Variants in SYN3 observed in about 807,000 individuals in gnomAD.
The protein encoded by SYN3 is synapsin-3.
In SYN3, 35 loss-of-function variants were observed where a neutral mutation model predicts 65.8. The ratio of observed to expected loss-of-function variants is 0.53; its 90% CI spans 0.41 to 0.70. The LOEUF (loss-of-function observed/expected upper bound fraction) is 0.70, where lower values mean the gene tolerates loss of function less well. Ranked by LOEUF, SYN3 falls within the 30% of genes least tolerant of loss-of-function variation. The probability of loss-of-function intolerance (pLI) is 0.00; values close to 1 mark genes in which losing one functional copy is unlikely to be tolerated. For synonymous variants in SYN3, 270 were observed against 292.9 expected, an observed-to-expected ratio of 0.92 and a Z score of 0.80; for missense variants, 680 against 749.0, an observed-to-expected ratio of 0.91 and a Z score of 1.08.
rs1411404969 is a variant in SYN3, at chr22:32,576,457, A to G, written c.774+20217T>C. Among the ~76,000 whole-genome samples the G allele has an allele frequency of 2.0e-5, 3 of 152,344 alleles. No homozygotes were observed. In the East Asian group the frequency reaches 5.8e-4, roughly 29 times the overall value. ...AAAACGCACATGAACTACGAAGCAC[A>G]GGGCCTGGCACCTAGTATGCGGTCA... On this transcript the variant is annotated intron_variant, in intron 7 of 13. Transcript: ENST00000358763.
chr22:32,684,537 A>C (rs1306444752), intron 6 of SYN3, among the ~76,000 whole-genome samples: 1 of 152,210 alleles, frequency 6.6e-6, no homozygotes, highest in Non-Finnish European at 1.5e-5. Context: ...AACAGCAACC[A>C]CATCATTGTC....
intron 6 of SYN3, among the ~76,000 whole-genome samples, chr22:32,641,336 C>T (rs2059895365): frequency 6.6e-6 from 1 of 151,960 alleles, no homozygotes; most frequent in Admixed American, 6.6e-5. Context: ...GGGCCGGGCG[C>T]GGTGGTTCAT....
chr22:32,951,184 C>T (rs2051278377), intron 3 of SYN3, among the ~76,000 whole-genome samples: 1 of 152,148 alleles, frequency 6.6e-6, no homozygotes, highest in African/African-American at 2.4e-5. Flanking sequence ...ACTCTGATGC[C>T]TCCCCCCATC....
intron 6 of SYN3, among the ~76,000 whole-genome samples, chr22:32,803,677 A>T (rs2046650739): frequency 6.6e-6 from 1 of 152,120 alleles, no homozygotes; most frequent in African/African-American, 2.4e-5. Flanking sequence ...AGTTGGTAAC[A>T]TTCCCACCTG....
chr22:32,766,414 C>T (rs968267109), intron 6 of SYN3, among the ~76,000 whole-genome samples: 2 of 152,160 alleles, frequency 1.3e-5, no homozygotes, highest in Admixed American at 6.5e-5. Flanking sequence ...GTTCAATCAG[C>T]GTGATACAGC....
chr22:32,891,643 T>C (rs2049450353), intron 4 of SYN3, among the ~76,000 whole-genome samples: 1 of 152,224 alleles, frequency 6.6e-6, no homozygotes, highest in Admixed American at 6.5e-5. Context: ...AAACTGTGCC[T>C]CAGTTTGCTT....
chr22:32,554,733 C>T (rs1601622715), intron 7 of SYN3, among the ~76,000 whole-genome samples: 1 of 152,220 alleles, frequency 6.6e-6, no homozygotes, highest in Non-Finnish European at 1.5e-5. Context: ...ACCCCCTTCC[C>T]CTCCCTTGTC....
intron 6 of SYN3, among the ~76,000 whole-genome samples, chr22:32,822,935 A>T (rs2047295113): frequency 6.6e-6 from 1 of 152,102 alleles, no homozygotes; most frequent in South Asian, 2.1e-4. Context: ...ACAACAAAAA[A>T]AAAACAGAGA....
chr22:32,770,850 G>GCACATATGTGTTCAATTAA (rs59610797), intron 6 of SYN3, among the ~76,000 whole-genome samples: 66,519 of 149,146 alleles, frequency 0.45, 15,609 homozygotes, highest in African/African-American at 0.61. Flanking sequence ...AGAGTGCCTG[G>GCACATATGTGTTCAATTAA]CACATATGTG....
chr22:33,018,654 T>C lies in SYN3; in HGVS notation c.-162-11830A>G, dbSNP rs1014872536. Among the ~76,000 whole-genome samples, 7 of 152,306 alleles carry C rather than the reference T, an allele frequency of 4.6e-5. 1 individual carries two copies. Among genetic ancestry groups the C allele is most frequent in the East Asian group, 3.9e-4 (2 of 5,184 alleles). ...GCATCAAAGCAGGAGGAATGAGAGC[T>C]GCCCCACAGCGGCAACAGCTACTTT... On this transcript the variant is annotated intron_variant, in intron 1 of 13. Coordinates refer to ENST00000358763, the MANE Select transcript of SYN3 (RefSeq NM_003490.4).
chr22:32,826,562 T>C (rs1464111651), intron 6 of SYN3, among the ~76,000 whole-genome samples: 2 of 152,200 alleles, frequency 1.3e-5, no homozygotes, highest in South Asian at 2.1e-4. Context: ...AGTATCTGCA[T>C]TGTACAGATG....
At chr22:32,561,203 G>A (rs540400444) in intron 7 of SYN3, among the ~76,000 whole-genome samples, 145 of 152,284 alleles carry the variant, frequency 9.5e-4, no homozygotes, top group Middle Eastern at 3.4e-3. Flanking sequence ...TGCGGCCAGC[G>A]TAGGTCAGGG....
At chr22:32,755,724 T>C (rs5994619) in intron 6 of SYN3, among the ~76,000 whole-genome samples, 129,132 of 152,196 alleles carry the variant, frequency 0.85, 55,305 homozygotes, top group African/African-American at 0.97. Flanking sequence ...TCATCTACCA[T>C]GGTGGCCCCA....
At chr22:32,734,113 G>A (rs1278431764) in intron 6 of SYN3, among the ~76,000 whole-genome samples, 1 of 152,186 alleles carries the variant, frequency 6.6e-6, no homozygotes, top group African/African-American at 2.4e-5. Context: ...GCTTTAAAGG[G>A]CCTGGGGTGG....
At chr22:32,540,695 C>G (rs1433782037) in intron 8 of SYN3, among the ~76,000 whole-genome samples, 1 of 152,226 alleles carries the variant, frequency 6.6e-6, no homozygotes, top group Non-Finnish European at 1.5e-5. Flanking sequence ...GCCTGGCATT[C>G]TTTCCTTTTC....
chr22:32,666,860 A>G (rs1371339739), intron 6 of SYN3, among the ~76,000 whole-genome samples: 2 of 152,170 alleles, frequency 1.3e-5, no homozygotes, highest in Non-Finnish European at 2.9e-5. Flanking sequence ...GTGATGGCCA[A>G]GGATTTACCA....
chr22:32,933,455 G>A (rs1417057764), intron 3 of SYN3, among the ~76,000 whole-genome samples: 1 of 152,106 alleles, frequency 6.6e-6, no homozygotes, highest in African/African-American at 2.4e-5. Context: ...TTCAGACAGA[G>A]TTTCACTCTT....
intron 2 of SYN3, among the ~76,000 whole-genome samples, chr22:32,993,489 C>A (rs1033444717): frequency 6.6e-6 from 1 of 152,152 alleles, no homozygotes; most frequent in Non-Finnish European, 1.5e-5. Context: ...GGGACTACAG[C>A]ATGCCGCCAC....
intron 6 of SYN3, among the ~76,000 whole-genome samples, chr22:32,863,829 T>C (rs1208818967): frequency 6.6e-6 from 1 of 152,118 alleles, no homozygotes; most frequent in Non-Finnish European, 1.5e-5. Context: ...AGAACTGGCA[T>C]TCAAATTCAG....
Sources: allele counts gnomAD v4.1 joint callset (sites outside exome capture counted in the v4.1 genomes callset), GRCh38; gene constraint gnomAD v4.1.1; transcripts MANE v1.5; gene names NCBI Gene and HGNC (gene_info 2026-07-23, HGNC 2026-07-21).